The following CACNG4 variants were observed in gnomAD, a reference collection of about 807,000 sequenced individuals.
CACNG4 encodes voltage-dependent calcium channel gamma-4 subunit.
In CACNG4, 8 loss-of-function variants were observed where a neutral mutation model predicts 22.9. The ratio of observed to expected loss-of-function variants is 0.35; its 90% CI spans 0.21 to 0.63. The LOEUF (loss-of-function observed/expected upper bound fraction) is 0.63, where lower values mean the gene tolerates loss of function less well. CACNG4 is among the 30% of genes least tolerant of loss of function. The probability of loss-of-function intolerance (pLI) is 0.72; values close to 1 mark genes in which losing one functional copy is unlikely to be tolerated. For missense variants in CACNG4, 357 were observed against 455.4 expected, an observed-to-expected ratio of 0.78 and a Z score of 1.97; for synonymous variants, 188 against 191.9, an observed-to-expected ratio of 0.98 and a Z score of 0.17.
chr17:66,969,425 G>C (rs2035190752), intron 1 of CACNG4, among the ~76,000 whole-genome samples: 2 of 152,238 alleles, frequency 1.3e-5, no homozygotes, highest in African/African-American at 4.8e-5. Flanking sequence ...CTTGATGCCA[G>C]GGGTGGCCCC....
chr17:66,974,416 G>A (rs73336955), intron 1 of CACNG4, among the ~76,000 whole-genome samples: 9,443 of 152,262 alleles, frequency 0.062, 604 homozygotes, highest in East Asian at 0.24. Flanking sequence ...GCATGGGGTA[G>A]GGGAAAGAGG....
In CACNG4 at chr17:66,987,157, A is replaced by G. The variant is rs73336998; in HGVS notation, c.220+22026A>G. Among the ~76,000 whole-genome samples, 1,412 of 152,322 alleles carry G rather than the reference A, an allele frequency of 9.3e-3. 32 individuals carry two copies. The highest frequency in any genetic ancestry group is 0.033 in the African/African-American group (1,359 of 41,552). ...TGATGAAAATTTTCTGAAACAAGGAAACAGGCTCAGAAAGATTAGGTAACT... is the reference window on the plus strand; with the variant it reads ...TGATGAAAATTTTCTGAAACAAGGAGACAGGCTCAGAAAGATTAGGTAACT... On this transcript the variant is annotated intron_variant, in intron 1 of 3. Coordinates refer to ENST00000262138, the MANE Select transcript of CACNG4 (RefSeq NM_014405.4).
chr17:67,013,219 T>C lies in CACNG4; in HGVS notation c.221-4970T>C, dbSNP rs75425436. Among the ~76,000 whole-genome samples the C allele has an allele frequency of 9.7e-3, 1,472 of 152,240 alleles. 23 individuals carry two copies. The highest frequency in any genetic ancestry group is 0.033 in the African/African-American group (1,373 of 41,558). ...GTCATGGAAGGAGAGGCTCAAATGCTGCCCACACACCCTCTGGCCCCCAGG... is the reference window on the plus strand; with the variant it reads ...GTCATGGAAGGAGAGGCTCAAATGCCGCCCACACACCCTCTGGCCCCCAGG... On this transcript the variant is annotated intron_variant, in intron 1 of 3. Transcript: ENST00000262138.
intron 1 of CACNG4, among the ~76,000 whole-genome samples, chr17:66,968,468 CCCTTCCCTCA>C (rs1203688231): frequency 4.6e-5 from 6 of 129,054 alleles, no homozygotes; most frequent in Non-Finnish European, 8.4e-5. Flanking sequence ...TCTTTCCCTC[CCCTTCCCTCA>C]CCTTCCCTCC....
chr17:66,994,376 G>A (rs1033674119), intron 1 of CACNG4, among the ~76,000 whole-genome samples: 2 of 152,052 alleles, frequency 1.3e-5, no homozygotes, highest in Non-Finnish European at 2.9e-5. Flanking sequence ...GACACGCATG[G>A]AAAAGGTGCC....
intron 1 of CACNG4, among the ~76,000 whole-genome samples, chr17:66,976,679 G>C (rs1159249128): frequency 6.6e-6 from 1 of 150,954 alleles, no homozygotes; most frequent in Non-Finnish European, 1.5e-5. Context: ...AGGGTTCTGT[G>C]AACATCCAAG....
At chr17:67,015,700 CGCTGCAGA>C (rs758837979) in intron 1 of CACNG4, among the ~76,000 whole-genome samples, 33 of 152,150 alleles carry the variant, frequency 2.2e-4, no homozygotes, top group Non-Finnish European at 4.1e-4. Flanking sequence ...AGCAGCCTGC[CGCTGCAGA>C]GCAAATCGGG....
chr17:67,030,788 G>A lies in CACNG4; in HGVS notation c.768G>A (p.Arg256=). The A allele has an allele frequency of 1.2e-6, 2 of 1,614,110 alleles. No individual in the cohort carries two copies. The highest frequency in any genetic ancestry group is 1.7e-6 in the Non-Finnish European group (2 of 1,180,012). Residue 256 remains arginine, a synonymous_variant, in exon 4 of 4, where the codon AGG becomes AGA. Coordinates refer to ENST00000262138, the MANE Select transcript of CACNG4 (RefSeq NM_014405.4). The surrounding 1 kb of genome is among the most constrained non-coding windows in gnomAD (Gnocchi z 6.4). ...SSRSTEASPS[R]DVSPMGLKIT... Reference sequence around the variant, plus strand: ...GGTCCACCGAGGCCTCGCCCTCCAGGGACGTGTCGCCCATGGGCCTGAAGA... The same window carrying A: ...GGTCCACCGAGGCCTCGCCCTCCAGAGACGTGTCGCCCATGGGCCTGAAGA...
chr17:66,970,880 C>T (rs2035200216), intron 1 of CACNG4, among the ~76,000 whole-genome samples: 1 of 152,208 alleles, frequency 6.6e-6, no homozygotes. Context: ...CAAAAAGTCT[C>T]AGTAGGAAAA....
chr17:66,982,869 C>T (rs1410560359), intron 1 of CACNG4, among the ~76,000 whole-genome samples: 2 of 152,222 alleles, frequency 1.3e-5, no homozygotes, highest in East Asian at 1.9e-4. Context: ...AGAGCAAACT[C>T]TACTGTGGTT....
intron 1 of CACNG4, among the ~76,000 whole-genome samples, chr17:67,013,089 C>G (rs139691616): frequency 1.3e-5 from 2 of 152,242 alleles, no homozygotes; most frequent in Admixed American, 6.5e-5. Context: ...CCCCGTTTGC[C>G]TGGACTCTTC....
intron 1 of CACNG4, among the ~76,000 whole-genome samples, chr17:66,990,990 T>C (rs982793147): frequency 6.6e-6 from 1 of 152,132 alleles, no homozygotes; most frequent in African/African-American, 2.4e-5. Flanking sequence ...TAAGTCTCCT[T>C]ATTTTAAAAA....
chr17:67,003,255 G>A (rs2035419122), intron 1 of CACNG4, among the ~76,000 whole-genome samples: 1 of 151,758 alleles, frequency 6.6e-6, no homozygotes, highest in African/African-American at 2.4e-5. Context: ...TCACAGATGG[G>A]AAAAATGAGG....
chr17:66,966,600 G>T lies in CACNG4; in HGVS notation c.220+1469G>T, dbSNP rs552515386. Reference sequence around the variant, plus strand: ...GGATCTGCTTAGTGAAGTCAACTTGGCCCCCTTTTCCCCTCCAGACCATGC... The same window carrying T: ...GGATCTGCTTAGTGAAGTCAACTTGTCCCCCTTTTCCCCTCCAGACCATGC... On this transcript the variant is annotated intron_variant, in intron 1 of 3. Coordinates refer to ENST00000262138, the MANE Select transcript of CACNG4 (RefSeq NM_014405.4). Among the ~76,000 whole-genome samples, 6 of 152,192 alleles carry T rather than the reference G, an allele frequency of 3.9e-5. No homozygotes were observed. The South Asian group carries it at 1.0e-3, about 26-fold the overall frequency.
chr17:67,001,106 G>A (rs865900272), intron 1 of CACNG4, among the ~76,000 whole-genome samples: 1 of 151,980 alleles, frequency 6.6e-6, no homozygotes, highest in Middle Eastern at 3.2e-3. Context: ...TAAGTCTCAC[G>A]AGATCAATGG....
At chr17:66,992,597 G>A (rs572969005) in intron 1 of CACNG4, among the ~76,000 whole-genome samples, 1 of 152,334 alleles carries the variant, frequency 6.6e-6, no homozygotes, top group Admixed American at 6.5e-5. Flanking sequence ...AGCTGCCCAT[G>A]TGGGCCCCTT....
intron 1 of CACNG4, among the ~76,000 whole-genome samples, chr17:66,992,032 C>G (rs896059347): frequency 1.3e-5 from 2 of 152,206 alleles, no homozygotes; most frequent in Admixed American, 6.5e-5. Context: ...CCCCACAAAG[C>G]CTTACTCATC....
At chr17:67,018,699 A>G (rs1207726071) in intron 2 of CACNG4, among the ~76,000 whole-genome samples, 1 of 151,824 alleles carries the variant, frequency 6.6e-6, no homozygotes, top group Non-Finnish European at 1.5e-5. Context: ...TCTCCTGCAT[A>G]CTCTCTTCCA....
chr17:66,997,653 C>G (rs921831971), intron 1 of CACNG4, among the ~76,000 whole-genome samples: 2 of 152,090 alleles, frequency 1.3e-5, no homozygotes, highest in African/African-American at 2.4e-5. Context: ...CCCATCTCTA[C>G]TAAAAATACA....
Sources: gnomAD v4.1 joint callset for allele counts (sites outside exome capture counted in the v4.1 genomes callset) on GRCh38, gnomAD v4.1.1 for gene constraint, Gnocchi (gnomAD v3.1) non-coding constraint, MANE v1.5 for transcripts, NCBI Gene and HGNC (gene_info 2026-07-23, HGNC 2026-07-21) for gene names.